The following PLB1 variants were observed in gnomAD, a reference collection of about 807,000 sequenced individuals.
PLB1 encodes phospholipase B1, membrane-associated.
PLB1 carries 242 observed loss-of-function variants against 227.4 expected under a neutral mutation model. The ratio of observed to expected loss-of-function variants is 1.06; its 90% confidence interval spans 0.96 to 1.18. PLB1 has a LOEUF of 1.18. Ranked by LOEUF, PLB1 falls within the 50% of genes most tolerant of loss-of-function variation. The pLI is 0.00. For missense variants in PLB1, 1,858 were observed against 1,816.3 expected (o/e 1.02, Z -0.42); for synonymous variants, 757 against 682.2 (o/e 1.11, Z -1.71).
At chr2:28,632,259 C>G (rs924876097) in intron 55 of PLB1, 119 bp downstream of exon 55, 2 of 792,486 alleles carry the variant, frequency 2.5e-6, no homozygotes, top group African/African-American at 3.5e-5. Context: ...AAGAGGATTC[C>G]TGAGGGTGGC....
intron 46 of PLB1, among the ~76,000 whole-genome samples, chr2:28,619,988 C>T (rs1275391025): frequency 6.6e-6 from 1 of 151,906 alleles, no homozygotes; most frequent in Non-Finnish European, 1.5e-5. Flanking sequence ...GTGAGGGTCT[C>T]AGTTAGGAAC....
At chr2:28,509,885 G>A (rs1314772528) in intron 1 of PLB1, among the ~76,000 whole-genome samples, 1 of 152,224 alleles carries the variant, frequency 6.6e-6, no homozygotes, top group African/African-American at 2.4e-5. Context: ...TGAAAGCAGA[G>A]AAGTAGATTG....
At chr2:28,578,282 A>G (rs1290520422) in intron 22 of PLB1, 124 bp downstream of exon 22, 36 of 872,938 alleles carry the variant, frequency 4.1e-5, no homozygotes. Flanking sequence ...AGCCTAAAAC[A>G]CTGCTTCTCT....
intron 38 of PLB1, among the ~76,000 whole-genome samples, chr2:28,602,240 A>T (rs955825227): frequency 6.6e-6 from 1 of 152,136 alleles, no homozygotes; most frequent in East Asian, 1.9e-4. Context: ...CCCCACTACT[A>T]TCCGGGACAT....
intron 20 of PLB1, among the ~76,000 whole-genome samples, chr2:28,569,194 T>C (rs1300964131): frequency 2.0e-5 from 3 of 151,604 alleles, no homozygotes; most frequent in African/African-American, 7.3e-5. Flanking sequence ...TCCTAGCAGA[T>C]TGTGAGACAG....
At chr2:28,632,772 GAAA>G (rs556849334) in intron 55 of PLB1, among the ~76,000 whole-genome samples, 169 bp from the exon 56 acceptor site, 1 of 148,984 alleles carries the variant, frequency 6.7e-6, no homozygotes, top group Non-Finnish European at 1.5e-5. Context: ...AAAGAAAAAA[GAAA>G]AAAAGAAATT....
chr2:28,513,402 C>G (rs1380544023), intron 1 of PLB1, among the ~76,000 whole-genome samples: 1 of 152,198 alleles, frequency 6.6e-6, no homozygotes, highest in Non-Finnish European at 1.5e-5. Context: ...ACTTGAAAGC[C>G]TGGGATATTC....
intron 6 of PLB1, among the ~76,000 whole-genome samples, chr2:28,527,425 C>T (rs1294518140): frequency 1.3e-5 from 2 of 152,198 alleles, no homozygotes; most frequent in Non-Finnish European, 2.9e-5. Context: ...CAGGTCTTCC[C>T]AGAAGAAAGT....
intron 53 of PLB1, among the ~76,000 whole-genome samples, chr2:28,629,836 T>TGG (rs1336235669): frequency 6.6e-6 from 1 of 152,186 alleles, no homozygotes; most frequent in African/African-American, 2.4e-5. Context: ...TCTTGAACCC[T>TGG]GGTAGGAAGT....
Position 28,525,983 on chromosome 2 carries a change from C to T in PLB1, c.325+38C>T, listed in dbSNP as rs762121065. ...TTTCACGGCCAGATTTCAGAGTGCC[C>T]CTCTCCTTCCCAACACAGCAGCATC... On this transcript the variant is annotated intron_variant, in intron 6 of 57. Transcript: ENST00000327757. The T allele has an allele frequency of 6.0e-5, 96 of 1,611,694 alleles. No homozygotes were observed. In the East Asian group the frequency reaches 2.0e-3, roughly 34 times the overall value.
chr2:28,575,674 G>T (rs184805341), intron 21 of PLB1, among the ~76,000 whole-genome samples: 2 of 152,228 alleles, frequency 1.3e-5, no homozygotes, highest in South Asian at 4.1e-4. Context: ...AGGTTCAAGC[G>T]ATTCTCCTGC....
At chr2:28,519,677 C>T in intron 3 of PLB1, 28 bp from the exon 4 acceptor site, 2 of 1,561,462 alleles carry the variant, frequency 1.3e-6, no homozygotes, top group Non-Finnish European at 1.8e-6. Context: ...TAGATCTGAC[C>T]TTCCTATATG....
chr2:28,528,213 G>A (rs1372294124), intron 6 of PLB1, among the ~76,000 whole-genome samples: 4 of 152,190 alleles, frequency 2.6e-5, no homozygotes, highest in Admixed American at 6.5e-5. Flanking sequence ...CTCCTTCACA[G>A]GGAGCCCCTT....
intron 56 of PLB1, among the ~76,000 whole-genome samples, chr2:28,639,574 C>G (rs374930510): frequency 6.6e-6 from 1 of 152,126 alleles, no homozygotes; most frequent in Non-Finnish European, 1.5e-5. Context: ...GGGGAGATGT[C>G]GGAGCAGGTT....
At chr2:28,549,563 G>A (rs1473168992) in intron 15 of PLB1, among the ~76,000 whole-genome samples, 3 of 151,876 alleles carry the variant, frequency 2.0e-5, no homozygotes, top group Non-Finnish European at 4.4e-5. Context: ...CTACAGGCAC[G>A]TGCCACCACA....
In PLB1 at chr2:28,539,258, G is replaced by A. The variant is rs774199544; in HGVS notation, c.698+80G>A. On this transcript the variant is annotated intron_variant, in intron 11 of 57. Transcript: ENST00000327757. ...GGCCTGTGGGGGCCCTTCATGTGCC[G>A]TAATCTATGAGGGAGCCCTAAAGAA... 7.0e-5 allele frequency: 89 copies of A among 1,270,316 alleles called. 1 individual carries two copies. The highest frequency in any genetic ancestry group is 4.4e-4 in the South Asian group (36 of 82,114). The allele number at this position is 1,270,316 out of a possible 1,614,324, so 78.7% of individuals were successfully genotyped here.
intron 14 of PLB1, among the ~76,000 whole-genome samples, chr2:28,545,104 G>A (rs1013780787): frequency 2.3e-4 from 35 of 152,158 alleles, no homozygotes; most frequent in Non-Finnish European, 4.6e-4. Context: ...GAATGAGCAC[G>A]TACACAGGAA....
intron 3 of PLB1, 110 bp from the exon 4 acceptor site, chr2:28,519,595 C>T (rs1669250629): frequency 1.3e-6 from 1 of 790,820 alleles, no homozygotes; most frequent in Non-Finnish European, 2.1e-6. Flanking sequence ...TGGACCTCCG[C>T]AGCTGTCCAG....
Position 28,566,628 on chromosome 2 carries a change from G to A in PLB1, c.1281-168G>A. ...GTGCTGGCCTATGGGGAGGGGAGTC[G>A]TATTCTGGTTTGCTTTTTCCGTTTT... On this transcript the variant is annotated intron_variant, in intron 19 of 57. Transcript: ENST00000327757. 6.1e-6 allele frequency: 4 copies of A among 655,500 alleles called. No homozygotes were observed. The East Asian group carries it at 1.1e-4, about 18-fold the overall frequency. 40.6% of individuals were successfully genotyped at this position (655,500 alleles called of 1,614,324 possible).
Sources: allele counts gnomAD v4.1 joint callset (sites outside exome capture counted in the v4.1 genomes callset), GRCh38; gene constraint gnomAD v4.1.1; transcripts MANE v1.5; gene names NCBI Gene and HGNC (gene_info 2026-07-23, HGNC 2026-07-21).